NRXN1: variants seen among roughly 807,000 people sequenced by gnomAD.
The protein encoded by NRXN1 is neurexin-1.
NRXN1 carries 39 observed loss-of-function variants against 150.9 expected under a neutral mutation model. The ratio of observed to expected loss-of-function variants is 0.26; its 90% CI spans 0.20 to 0.34. NRXN1 has a LOEUF of 0.34. Among genes scored for constraint, NRXN1 ranks in the 10% least tolerant of loss-of-function variants. The probability of loss-of-function intolerance (pLI) is 1.00; values close to 1 mark genes in which losing one functional copy is unlikely to be tolerated. For missense variants in NRXN1, 1,815 were observed against 1,949.9 expected (o/e 0.93, Z 1.30); for synonymous variants, 924 against 757.0 (o/e 1.22, Z -3.62).
At chr2:50,806,123 AC>A in intron 5 of NRXN1, among the ~76,000 whole-genome samples, 1 of 152,296 alleles carries the variant, frequency 6.6e-6, no homozygotes, top group East Asian at 1.9e-4. Flanking sequence ...ATCTGAAACC[AC>A]TGTAAAAGTA....
chr2:50,230,060 T>A (rs2152869862), intron 18 of NRXN1, among the ~76,000 whole-genome samples: 1 of 152,128 alleles, frequency 6.6e-6, no homozygotes, highest in African/African-American at 2.4e-5. Context: ...TGGACATGAT[T>A]TTCTCCAGCT....
chr2:50,794,510 A>G (rs944684077), intron 5 of NRXN1, among the ~76,000 whole-genome samples: 1 of 152,150 alleles, frequency 6.6e-6, no homozygotes, highest in African/African-American at 2.4e-5. Context: ...TCATACCATT[A>G]TGTGTCGTGT....
chr2:50,946,172 TGA>T (rs1287489041), intron 2 of NRXN1, among the ~76,000 whole-genome samples: 1 of 151,998 alleles, frequency 6.6e-6, no homozygotes, highest in Non-Finnish European at 1.5e-5. Context: ...ACACTAGTCA[TGA>T]GAGATGTCCG....
At chr2:50,613,861 C>A (rs1009854643) in intron 8 of NRXN1, among the ~76,000 whole-genome samples, 1 of 152,124 alleles carries the variant, frequency 6.6e-6, no homozygotes, top group Non-Finnish European at 1.5e-5. Context: ...TGGCGTGAAC[C>A]CAGGTGGCGG....
At chr2:50,746,709 G>C (rs1391297138) in intron 5 of NRXN1, among the ~76,000 whole-genome samples, 1 of 152,108 alleles carries the variant, frequency 6.6e-6, no homozygotes, top group African/African-American at 2.4e-5. Flanking sequence ...GGCCACTAGA[G>C]GGCTGCTGTG....
chr2:50,757,837 T>G (rs1246767670), intron 5 of NRXN1: 1 of 151,544 alleles, frequency 6.6e-6, no homozygotes, highest in Non-Finnish European at 1.5e-5. Context: ...GTGCAAGACA[T>G]AAGTTATTCT....
At chr2:50,277,705 A>T (rs558003465) in intron 17 of NRXN1, among the ~76,000 whole-genome samples, 1 of 152,192 alleles carries the variant, frequency 6.6e-6, no homozygotes, top group South Asian at 2.1e-4. Context: ...CTTTGGTAGC[A>T]CACCCATTAA....
At chr2:50,466,757 T>G (rs774381985) in intron 16 of NRXN1, among the ~76,000 whole-genome samples, 1 of 151,736 alleles carries the variant, frequency 6.6e-6, no homozygotes, top group Non-Finnish European at 1.5e-5. Context: ...TGAAGGAAAA[T>G]TAAAAGGGCC....
intron 5 of NRXN1, among the ~76,000 whole-genome samples, chr2:50,714,216 C>A (rs1695564742): frequency 6.6e-6 from 1 of 152,120 alleles, no homozygotes; most frequent in East Asian, 1.9e-4. Flanking sequence ...TATGGCCACA[C>A]AGGAGTCCCT....
chr2:50,374,866 A>C (rs765598213), intron 17 of NRXN1, among the ~76,000 whole-genome samples: 1 of 152,132 alleles, frequency 6.6e-6, no homozygotes, highest in Non-Finnish European at 1.5e-5. Flanking sequence ...TTTGAGTTTC[A>C]CAGCCTTCCT....
chr2:50,678,759 A>G (rs1196199620), intron 5 of NRXN1, among the ~76,000 whole-genome samples: 1 of 152,088 alleles, frequency 6.6e-6, no homozygotes, highest in East Asian at 1.9e-4. Flanking sequence ...TGGACTGTAT[A>G]TGTATGAGAT....
At chr2:50,044,236 T>C (rs554292161) in intron 21 of NRXN1, among the ~76,000 whole-genome samples, 1 of 152,182 alleles carries the variant, frequency 6.6e-6, no homozygotes, top group African/African-American at 2.4e-5. Context: ...CAATAGCATA[T>C]AATTTATTCC....
chr2:50,026,541 T>C (rs1688307777), intron 21 of NRXN1, among the ~76,000 whole-genome samples: 1 of 152,174 alleles, frequency 6.6e-6, no homozygotes, highest in Non-Finnish European at 1.5e-5. Context: ...ACATAAAGCA[T>C]GTGCTGTCTC....
chr2:50,812,705 T>C (rs1202504573), intron 5 of NRXN1, among the ~76,000 whole-genome samples: 1 of 146,850 alleles, frequency 6.8e-6, no homozygotes, highest in Non-Finnish European at 1.5e-5. Flanking sequence ...ATTATATTAA[T>C]ATACCATAAA....
At chr2:50,226,401 G>A (rs2064382846) in intron 18 of NRXN1, among the ~76,000 whole-genome samples, 3 of 151,894 alleles carry the variant, frequency 2.0e-5, no homozygotes, top group African/African-American at 7.2e-5. Context: ...AAATTATAAG[G>A]TACTTGAGGT....
intron 21 of NRXN1, among the ~76,000 whole-genome samples, chr2:49,986,328 G>C (rs967259990): frequency 6.6e-6 from 1 of 151,898 alleles, no homozygotes; most frequent in Non-Finnish European, 1.5e-5. Context: ...AGAAATTAAA[G>C]GTGATAAAAG....
rs919908389 is a variant in NRXN1 at position 50,757,790 on chromosome 2, G to A, written c.833-134175C>T. Reference sequence around the variant, plus strand: ...CTCAAGAGAGGAGGTAACATTTGTCGGCCTTACAATTCTCAATATTGATGC... The same window carrying A: ...CTCAAGAGAGGAGGTAACATTTGTCAGCCTTACAATTCTCAATATTGATGC... On this transcript the variant is annotated intron_variant, in intron 5 of 22. Coordinates refer to ENST00000401669, the MANE Select transcript of NRXN1 (RefSeq NM_001330078.2). 5.3e-5 allele frequency among the ~76,000 whole-genome samples: 8 copies of A among 151,440 alleles called. 1 individual carries two copies. Among genetic ancestry groups the A allele is most frequent in the African/African-American group, 9.7e-5 (4 of 41,330 alleles).
At chr2:50,216,804 G>A (rs888549311) in intron 18 of NRXN1, among the ~76,000 whole-genome samples, 4 of 152,056 alleles carry the variant, frequency 2.6e-5, no homozygotes, top group African/African-American at 9.7e-5. Flanking sequence ...GTGGATTTCA[G>A]ATTTGGGTGT....
intron 17 of NRXN1, among the ~76,000 whole-genome samples, chr2:50,264,705 T>C (rs530236950): frequency 6.6e-5 from 10 of 152,230 alleles, no homozygotes. Context: ...CACAGTTATA[T>C]GTCAATTTTC....
Sources: gnomAD v4.1 joint callset for allele counts (sites outside exome capture counted in the v4.1 genomes callset) on GRCh38, gnomAD v4.1.1 for gene constraint, MANE v1.5 for transcripts, NCBI Gene and HGNC (gene_info 2026-07-23, HGNC 2026-07-21) for gene names.